Variants in PAXIP1 observed in about 807,000 individuals in gnomAD.
PAXIP1 encodes the protein PAX-interacting protein 1.
In PAXIP1, 19 loss-of-function variants were observed where a neutral mutation model predicts 140.6. That is an observed-to-expected ratio of 0.14 (90% CI 0.09 to 0.20). The LOEUF (loss-of-function observed/expected upper bound fraction) is 0.20. Among genes scored for constraint, PAXIP1 ranks in the 10% least tolerant of loss-of-function variants. The pLI is 1.00. For synonymous variants in PAXIP1, 442 were observed against 444.6 expected, an observed-to-expected ratio of 0.99 and a Z score of 0.07; for missense variants, 920 against 1,208.6, an observed-to-expected ratio of 0.76 and a Z score of 3.54.
In PAXIP1 at chr7:154,993,730, G is replaced by T; in HGVS notation, c.256C>A (p.Leu86Met). Residue 86 changes from leucine to methionine, a missense_variant, in exon 3 of 21, where the codon CTG becomes ATG. This residue lies in a region of PAXIP1 where 419 missense variants were observed against 514.7 expected (regional missense o/e 0.81). Transcript: ENST00000404141. ...CCCACTCAAAAAAAAGGATACGGCA[G>T]AAGAGTTCCACACTGAACGGACAGA... is the stretch of plus-strand genomic sequence containing the variant. ...VILSVQCGTL[L>M]PVNGFSPESC... The T allele has an allele frequency of 6.3e-7, 1 of 1,592,744 alleles. No homozygotes were observed. Among genetic ancestry groups the T allele is most frequent in the South Asian group, 1.1e-5 (1 of 87,124 alleles).
rs116898382 is a variant in PAXIP1 at position 154,977,935 on chromosome 7, T to C, written c.439-1604A>G. On this transcript the variant is annotated intron_variant, in intron 5 of 20. Coordinates refer to ENST00000404141, the MANE Select transcript of PAXIP1 (RefSeq NM_007349.4). ...CGAACACAGACCAAACTTTTTAATG[T>C]ACATTTTCGAACGCAGACCAAACTT... Among the ~76,000 whole-genome samples, 125 of 123,980 alleles carry C rather than the reference T, an allele frequency of 1.0e-3. No individual in the cohort carries two copies. In the East Asian group the frequency reaches 0.013, roughly 13 times the overall value. 81.3% of individuals were successfully genotyped at this position (123,980 alleles called of 152,430 possible). A position where few individuals can be genotyped will look rare whatever the true frequency, so the allele number is the denominator to read the frequency against.
Position 154,975,707 on chromosome 7 carries a change from T to G in PAXIP1, c.1063A>C (p.Asn355His), listed in dbSNP as rs748930675. The G allele has an allele frequency of 4.3e-6, 7 of 1,609,248 alleles. No homozygotes were observed. Among genetic ancestry groups the G allele is most frequent in the East Asian group, 4.5e-5 (2 of 44,852 alleles). ...ADIQQMNRPS[N>H]VAHILQTLSA... Reference sequence around the variant, plus strand: ...AAAGAGTGACTTACATGTGCTACATTTGATGGCCGGTTCATCTGCTGAATG... The same window carrying G: ...AAAGAGTGACTTACATGTGCTACATGTGATGGCCGGTTCATCTGCTGAATG... The change falls in exon 6 of 21, where the codon AAT (asparagine) becomes CAT (histidine). Residue 355 changes from asparagine to histidine, a missense_variant. Asn to His is a moderately conservative substitution (Grantham distance 68). This residue lies in a region of PAXIP1 where 419 missense variants were observed against 514.7 expected (regional missense o/e 0.81). Coordinates refer to ENST00000404141, the MANE Select transcript of PAXIP1 (RefSeq NM_007349.4).
At chr7:154,989,172 CAA>C (rs1303311725) in intron 4 of PAXIP1, among the ~76,000 whole-genome samples, 1 of 152,136 alleles carries the variant, frequency 6.6e-6, no homozygotes, top group African/African-American at 2.4e-5. Flanking sequence ...TTCCAGAATA[CAA>C]GAGACACCAA....
At chr7:154,998,453 A>G (rs932095585) in intron 2 of PAXIP1, among the ~76,000 whole-genome samples, 197 bp downstream of exon 2, 2 of 152,190 alleles carry the variant, frequency 1.3e-5, no homozygotes, top group Admixed American at 1.3e-4. Flanking sequence ...GGTTGCAGTG[A>G]GCTGAGATCG....
At chr7:154,977,035 G>C (rs559171696) in intron 5 of PAXIP1, among the ~76,000 whole-genome samples, 4 of 152,178 alleles carry the variant, frequency 2.6e-5, no homozygotes, top group Admixed American at 6.5e-5. Context: ...GGAAAGCCCC[G>C]TTGAAAGGTG....
Position 154,946,543 on chromosome 7 carries a change from A to T in PAXIP1, c.3102T>A (p.His1034Gln), listed in dbSNP as rs1236632056. ...CTCTGGCAAAATATTCTCGGCATAAATGAAGGTCATTTTCACAGGATATTA... is the reference window on the plus strand; with the variant it reads ...CTCTGGCAAAATATTCTCGGCATAATTGAAGGTCATTTTCACAGGATATTA... Reference protein sequence around the residue: ...IILISCENDLHLCREYFARGI... With the variant: ...IILISCENDLQLCREYFARGI... Residue 1034 changes from histidine (H) to glutamine (Q), a missense_variant, in exon 19 of 21, where the codon CAT becomes CAA. Physicochemically the swap from His to Gln is conservative, Grantham distance 24. Transcript: ENST00000404141. The surrounding 1 kb of genome is among the most constrained non-coding windows in gnomAD (Gnocchi z 4.9). 10 of 1,613,894 alleles carry T rather than the reference A, an allele frequency of 6.2e-6. No homozygotes were observed. The highest frequency in any genetic ancestry group is 8.5e-6 in the Non-Finnish European group (10 of 1,179,886).
rs1008029852 is a variant in PAXIP1, at chr7:154,973,403, C to T, written c.1074+2293G>A. On this transcript the variant is annotated intron_variant, in intron 6 of 20. Transcript: ENST00000404141. The surrounding 1 kb of genome is among the most constrained non-coding windows in gnomAD (Gnocchi z 4.0). The stretch of plus-strand genomic sequence containing the variant: ...AGCTCGGCATTTTATCAGGCATCCA[C>T]CTCTCAAGCCAGAAACCCAAAGTCT... Among the ~76,000 whole-genome samples the T allele has an allele frequency of 2.0e-5, 3 of 152,210 alleles. No individual in the cohort carries two copies. Among genetic ancestry groups the T allele is most frequent in the African/African-American group, 7.2e-5 (3 of 41,456 alleles).
In PAXIP1 at chr7:154,954,151, C is replaced by A; in HGVS notation, c.2821+104G>T. On this transcript the variant is annotated intron_variant, in intron 16 of 20. Coordinates refer to ENST00000404141, the MANE Select transcript of PAXIP1 (RefSeq NM_007349.4). The surrounding 1 kb of genome is among the most constrained non-coding windows in gnomAD (Gnocchi z 5.1). Reference sequence around the variant, plus strand: ...TTTAAATTTAAATGAATAACTATCACATAGTTTAAAAATTAAATATTTGTT... The same window carrying A: ...TTTAAATTTAAATGAATAACTATCAAATAGTTTAAAAATTAAATATTTGTT... The A allele has an allele frequency of 1.2e-6, 1 of 802,830 alleles. No homozygotes were observed. The highest frequency in any genetic ancestry group is 1.8e-5 in the African/African-American group (1 of 56,758). 49.7% of individuals were successfully genotyped at this position (802,830 alleles called of 1,614,324 possible). A position where few individuals can be genotyped will look rare whatever the true frequency, so the allele number is the denominator to read the frequency against.
intron 9 of PAXIP1, chr7:154,962,759 A>T (rs2293264): frequency 0.51 from 101,862 of 198,268 alleles, 28,021 homozygotes; most frequent in Middle Eastern, 0.59. Context: ...CAAAGTTAAA[A>T]GTGCCCCATA....
intron 5 of PAXIP1, among the ~76,000 whole-genome samples, chr7:154,978,731 A>G (rs1252831729): frequency 6.6e-6 from 1 of 152,214 alleles, no homozygotes; most frequent in Non-Finnish European, 1.5e-5. Context: ...GATTTTTCCA[A>G]GTTAAAAAGA....
chr7:154,992,459 A>AT (rs1156972824), intron 3 of PAXIP1, among the ~76,000 whole-genome samples: 2 of 152,058 alleles, frequency 1.3e-5, no homozygotes, highest in African/African-American at 4.8e-5. Context: ...AGGCAAGAGA[A>AT]TCGCTTGAAC....
Position 155,002,748 on chromosome 7 carries a change from G to C in PAXIP1, c.81+101C>G. ...GGCCTCGGCGGACCCGACGCTCTGC[G>C]CCCGGCGCGCGCCCGCGGCAGGAGC... is the stretch of plus-strand genomic sequence containing the variant. On this transcript the variant is annotated intron_variant, in intron 1 of 20. Coordinates refer to ENST00000404141, the MANE Select transcript of PAXIP1 (RefSeq NM_007349.4). 2 of 611,244 alleles carry C rather than the reference G, an allele frequency of 3.3e-6. 1 individual carries two copies. Among genetic ancestry groups the C allele is most frequent in the East Asian group, 1.1e-4 (2 of 18,168 alleles). The allele number at this position is 611,244 out of a possible 1,614,324, so 37.9% of individuals were successfully genotyped here. A position where few individuals can be genotyped will look rare whatever the true frequency, so the allele number is the denominator to read the frequency against.
chr7:154,966,618 C>T (rs557585979), intron 8 of PAXIP1, among the ~76,000 whole-genome samples: 14 of 152,306 alleles, frequency 9.2e-5, no homozygotes, highest in African/African-American at 2.2e-4. Context: ...GTGCTGCCTT[C>T]GAACACTTCT....
At chr7:154,959,320 A>G (rs989233188) in intron 13 of PAXIP1, among the ~76,000 whole-genome samples, 3 of 152,248 alleles carry the variant, frequency 2.0e-5, no homozygotes, top group Non-Finnish European at 4.4e-5. Flanking sequence ...ACTGGCCAAC[A>G]GTAAAAAAAA....
chr7:154,966,242 T>C (rs887083382), intron 8 of PAXIP1, among the ~76,000 whole-genome samples: 1 of 152,240 alleles, frequency 6.6e-6, no homozygotes, highest in African/African-American at 2.4e-5. Flanking sequence ...GCTCCATTGC[T>C]GGCCCCCGCG....
intron 1 of PAXIP1, chr7:155,000,992 A>C (rs1473321189): frequency 2.0e-5 from 3 of 152,172 alleles, no homozygotes; most frequent in Admixed American, 1.3e-4. Flanking sequence ...CTCCCCCACC[A>C]ATGAGGGGCG....
At chr7:154,975,156 C>CAAAAAAAAAAAAAAAAAAAAAAACAA (rs61595965) in intron 6 of PAXIP1, among the ~76,000 whole-genome samples, 1 of 106,900 alleles carries the variant, frequency 9.4e-6, no homozygotes. Flanking sequence ...GACTCCATCT[C>CAAAAAAAAAAAAAAAAAAAAAAACAA]AAAAAAAAAA....
At chr7:154,985,948 T>G (rs1810050677) in intron 4 of PAXIP1, 5 of 1,217,870 alleles carry the variant, frequency 4.1e-6, no homozygotes, top group African/African-American at 1.6e-5. Context: ...GACTTTTTAG[T>G]CTTCTAGATT....
intron 13 of PAXIP1, among the ~76,000 whole-genome samples, chr7:154,959,146 C>T (rs1808650874): frequency 6.6e-6 from 1 of 152,178 alleles, no homozygotes; most frequent in Non-Finnish European, 1.5e-5. Context: ...TGAAACTATT[C>T]TCCTCAGCTA....
Sources: gnomAD v4.1 joint callset for allele counts (sites outside exome capture counted in the v4.1 genomes callset) on GRCh38, gnomAD v4.1.1 for gene constraint, gnomAD v4.1.1 regional missense constraint, Gnocchi (gnomAD v3.1) non-coding constraint, MANE v1.5 for transcripts, NCBI Gene and HGNC (gene_info 2026-07-23, HGNC 2026-07-21) for gene names.